The following TOP1 variants were observed in gnomAD, a reference collection of about 807,000 sequenced individuals.
TOP1 encodes the protein DNA topoisomerase 1.
Under a neutral mutation model 111.1 loss-of-function variants are expected in TOP1, and 10 were observed. The observed-to-expected ratio is 0.09, with a 90% CI of 0.06 to 0.15. The LOEUF is 0.15. Among genes scored for constraint, TOP1 ranks in the 10% least tolerant of loss-of-function variants. TOP1 has a pLI of 1.00. For missense variants in TOP1, 474 were observed against 926.7 expected (o/e 0.51, Z 6.34); for synonymous variants, 271 against 302.9 (o/e 0.89, Z 1.10).
chr20:41,120,625 C>G (rs1178772441), intron 18 of TOP1, among the ~76,000 whole-genome samples: 1 of 152,214 alleles, frequency 6.6e-6, no homozygotes, highest in African/African-American at 2.4e-5. Context: ...TGAAACTGCC[C>G]TTGTCTCTTC....
At chr20:41,087,557 G>GACC (rs1249200404) in intron 8 of TOP1, among the ~76,000 whole-genome samples, 1 of 152,180 alleles carries the variant, frequency 6.6e-6, no homozygotes, top group Non-Finnish European at 1.5e-5. Flanking sequence ...AGTGTTGCAA[G>GACC]ACCAAGACTC....
intron 13 of TOP1, among the ~76,000 whole-genome samples, chr20:41,111,720 T>C (rs757579888): frequency 6.6e-6 from 1 of 151,770 alleles, no homozygotes; most frequent in East Asian, 1.9e-4. Context: ...GAACCAGGCA[T>C]GTGTGGGCAG....
intron 2 of TOP1, among the ~76,000 whole-genome samples, chr20:41,049,636 T>C (rs2033378139): frequency 6.6e-6 from 1 of 152,212 alleles, no homozygotes; most frequent in Admixed American, 6.5e-5. Context: ...CAGCTGCTAC[T>C]GTTGGGATGG....
intron 17 of TOP1, among the ~76,000 whole-genome samples, chr20:41,117,218 C>T (rs181279829): frequency 2.5e-4 from 38 of 151,720 alleles, no homozygotes; most frequent in African/African-American, 4.6e-4. Context: ...GCAGGTGTGG[C>T]GGTGTGCACC....
rs1177877794 is a variant in TOP1 at position 41,046,671 on chromosome 20, T to C, written c.59-14723T>C. 1.3e-5 allele frequency among the ~76,000 whole-genome samples: 2 copies of C among 152,178 alleles called. No individual in the cohort carries two copies. The highest frequency in any genetic ancestry group is 1.3e-4 in the Admixed American group (2 of 15,272). The stretch of plus-strand genomic sequence containing the variant: ...CAGAAATCAGTAAAACCTATTTGAG[T>C]ATTCAAGAAAAAGGATCTTTTTGTT... On this transcript the variant is annotated intron_variant, in intron 2 of 20. Transcript: ENST00000361337. The surrounding 1 kb of genome is among the most constrained non-coding windows in gnomAD (Gnocchi z 4.3).
chr20:41,105,361 A>T (rs1292956768), intron 13 of TOP1, among the ~76,000 whole-genome samples: 1 of 152,232 alleles, frequency 6.6e-6, no homozygotes, highest in Non-Finnish European at 1.5e-5. Context: ...TGTTACTGGG[A>T]TCATTCTGCA....
At chr20:41,075,713 A>G (rs994948723) in intron 3 of TOP1, among the ~76,000 whole-genome samples, 1 of 152,244 alleles carries the variant, frequency 6.6e-6, no homozygotes, top group African/African-American at 2.4e-5. Context: ...TAAAACTAGA[A>G]GGAAATATCC....
chr20:41,101,466 T>C lies in TOP1; in HGVS notation c.1308+113T>C, dbSNP rs2034063348. ...TTTGACAAATTAAAAATCCTCCCCA[T>C]TGAAAGAAGGCAAGTACTTTCATAG... On this transcript the variant is annotated intron_variant, in intron 13 of 20. Transcript: ENST00000361337. The surrounding 1 kb of genome is among the most constrained non-coding windows in gnomAD (Gnocchi z 4.1). The C allele has an allele frequency of 1.1e-5, 13 of 1,187,998 alleles. No homozygotes were observed. In the South Asian group the frequency reaches 1.3e-4, roughly 12 times the overall value. The allele number at this position is 1,187,998 out of a possible 1,614,324, so 73.6% of individuals were successfully genotyped here. A position where few individuals can be genotyped will look rare whatever the true frequency, so the allele number is the denominator to read the frequency against.
intron 2 of TOP1, among the ~76,000 whole-genome samples, chr20:41,041,794 T>C (rs947142187): frequency 5.9e-5 from 9 of 152,248 alleles, no homozygotes; most frequent in African/African-American, 1.7e-4. Flanking sequence ...GAAGTTGATC[T>C]ATCTGAACTT....
At chr20:41,043,267 C>CTGGTGG (rs2033290608) in intron 2 of TOP1, among the ~76,000 whole-genome samples, 1 of 152,200 alleles carries the variant, frequency 6.6e-6, no homozygotes, top group African/African-American at 2.4e-5. Flanking sequence ...TAGAATAGAG[C>CTGGTGG]AAGATACCAG....
In TOP1 at chr20:41,112,698, G is replaced by T. The variant is rs191160174; in HGVS notation, c.1309-84G>T. On this transcript the variant is annotated intron_variant, in intron 13 of 20. Transcript: ENST00000361337. This position sits in a 1 kb window ranked among gnomAD's most constrained non-coding sequence, Gnocchi z 5.8. Reference sequence around the variant, plus strand: ...ATTAGCTAGCTGGGATTATAGGCTTGCGCCACCTTGCCTGGCTATATTCAA... The same window carrying T: ...ATTAGCTAGCTGGGATTATAGGCTTTCGCCACCTTGCCTGGCTATATTCAA... The T allele has an allele frequency of 1.0e-4, 153 of 1,457,884 alleles. No homozygotes were observed. The highest frequency in any genetic ancestry group is 5.1e-4 in the East Asian group (22 of 42,780). The allele number at this position is 1,457,884 out of a possible 1,614,324, so 90.3% of individuals were successfully genotyped here. A position where few individuals can be genotyped will look rare whatever the true frequency, so the allele number is the denominator to read the frequency against.
chr20:41,102,663 AT>A lies in TOP1; in HGVS notation c.1308+1311del, dbSNP rs2034082165. Among the ~76,000 whole-genome samples the A allele has an allele frequency of 1.3e-5, 2 of 152,216 alleles. No homozygotes were observed. Among genetic ancestry groups the A allele is most frequent in the African/African-American group, 4.8e-5 (2 of 41,452 alleles). ...ATAAAATGTAGTTTTTGTAGTTTAG[AT>A]AAGTACAAAATCAGAAAGCGAACAC... is the stretch of plus-strand genomic sequence containing the variant. On this transcript the variant is annotated intron_variant, in intron 13 of 20. Coordinates refer to ENST00000361337, the MANE Select transcript of TOP1 (RefSeq NM_003286.4). This position sits in a 1 kb window ranked among gnomAD's most constrained non-coding sequence, Gnocchi z 4.0.
In TOP1 at chr20:41,094,299, A is replaced by G. The variant is rs370028075; in HGVS notation, c.730+1712A>G. On this transcript the variant is annotated intron_variant, in intron 9 of 20. Coordinates refer to ENST00000361337, the MANE Select transcript of TOP1 (RefSeq NM_003286.4). This position sits in a 1 kb window ranked among gnomAD's most constrained non-coding sequence, Gnocchi z 4.4. The stretch of plus-strand genomic sequence containing the variant: ...TGGTCATTCCTGGAGACTCTTAACT[A>G]TAACTCAAAGCCAAAACTCCTAATT... Among the ~76,000 whole-genome samples the G allele has an allele frequency of 2.5e-4, 38 of 152,270 alleles. 3 individuals are homozygous for G. Among genetic ancestry groups the G allele is most frequent in the African/African-American group, 7.9e-4 (33 of 41,544 alleles).
At chr20:41,041,284 C>CA (rs923300102) in intron 2 of TOP1, among the ~76,000 whole-genome samples, 3 of 151,486 alleles carry the variant, frequency 2.0e-5, no homozygotes, top group East Asian at 1.9e-4. Context: ...CCCGTCTCTA[C>CA]AAAAAAATAA....
At chr20:41,055,903 C>T (rs963885629) in intron 2 of TOP1, among the ~76,000 whole-genome samples, 1 of 152,190 alleles carries the variant, frequency 6.6e-6, no homozygotes, top group Non-Finnish European at 1.5e-5. Context: ...TTGCCATGCC[C>T]TCACATAATA....
chr20:41,071,348 A>T lies in TOP1; in HGVS notation c.156-4823A>T, dbSNP rs1414281529. Among the ~76,000 whole-genome samples the T allele has an allele frequency of 2.0e-5, 3 of 151,652 alleles. No individual in the cohort carries two copies. The highest frequency in any genetic ancestry group is 4.4e-5 in the Non-Finnish European group (3 of 67,936). On this transcript the variant is annotated intron_variant, in intron 3 of 20. Coordinates refer to ENST00000361337, the MANE Select transcript of TOP1 (RefSeq NM_003286.4). The surrounding 1 kb of genome is among the most constrained non-coding windows in gnomAD (Gnocchi z 4.3). ...AGTTATTTTTTTCTTTCCTTTTTTT[A>T]AATTTTTTTTTTTTTGAGATGGAGC...
rs1345748420 is a variant in TOP1, at chr20:41,123,337, T to C, written c.*40T>C. 15 of 1,487,708 alleles carry C rather than the reference T, an allele frequency of 1.0e-5. No individual in the cohort carries two copies. Among genetic ancestry groups the C allele is most frequent in the African/African-American group, 4.1e-5 (3 of 72,362 alleles). 92.2% of individuals were successfully genotyped at this position (1,487,708 alleles called of 1,614,324 possible). ...CAGAGTTCTGTGAAGAGGAACAGTG[T>C]GGTTTGGGAAAGATGGATAAACTGA... is the stretch of plus-strand genomic sequence containing the variant. On this transcript the variant is annotated 3_prime_UTR_variant, in exon 21 of 21. Transcript: ENST00000361337. The surrounding 1 kb of genome is among the most constrained non-coding windows in gnomAD (Gnocchi z 5.8).
intron 3 of TOP1, among the ~76,000 whole-genome samples, chr20:41,073,603 T>C (rs1038795291): frequency 6.6e-6 from 1 of 152,194 alleles, no homozygotes; most frequent in African/African-American, 2.4e-5. Flanking sequence ...TATTGATATG[T>C]AGTGGAGGCT....
rs548818399 is a variant in TOP1 at position 41,058,298 on chromosome 20, A to T, written c.59-3096A>T. On this transcript the variant is annotated intron_variant, in intron 2 of 20. Transcript: ENST00000361337. The surrounding 1 kb of genome is among the most constrained non-coding windows in gnomAD (Gnocchi z 4.2). The stretch of plus-strand genomic sequence containing the variant: ...AAAACATGTTGCCTCAAAATATAAT[A>T]GCTTAAAACAACAGACACTTATTTT... Among the ~76,000 whole-genome samples the T allele has an allele frequency of 1.3e-5, 2 of 152,380 alleles. No homozygotes were observed. Among genetic ancestry groups the T allele is most frequent in the South Asian group, 4.1e-4 (2 of 4,828 alleles).
Sources: gnomAD v4.1 joint callset for allele counts (sites outside exome capture counted in the v4.1 genomes callset) on GRCh38, gnomAD v4.1.1 for gene constraint, Gnocchi (gnomAD v3.1) non-coding constraint, MANE v1.5 for transcripts, NCBI Gene and HGNC (gene_info 2026-07-23, HGNC 2026-07-21) for gene names.